ADGRV1: variants seen among roughly 807,000 people sequenced by gnomAD.
ADGRV1 encodes the protein adhesion G protein-coupled receptor V1, also known as G-protein coupled receptor 98.
In ADGRV1, 359 loss-of-function variants were observed where a neutral mutation model predicts 596.2. The ratio of observed to expected loss-of-function variants is 0.60; its 90% CI spans 0.55 to 0.66. The LOEUF is 0.66. Ranked by LOEUF, ADGRV1 falls within the 30% of genes least tolerant of loss-of-function variation. The pLI is 0.00. For missense variants in ADGRV1, 7,274 were observed against 7,575.6 expected (o/e 0.96, Z 1.48); for synonymous variants, 2,681 against 2,679.2 (o/e 1.00, Z -0.02).
chr5:90,749,995 T>C (rs1387332717), intron 52 of ADGRV1, among the ~76,000 whole-genome samples: 1 of 152,166 alleles, frequency 6.6e-6, no homozygotes, highest in Non-Finnish European at 1.5e-5. Flanking sequence ...TCCGAGGATA[T>C]GAATTTAAGA....
chr5:91,050,222 G>A (rs745530840), intron 85 of ADGRV1, among the ~76,000 whole-genome samples: 19 of 152,174 alleles, frequency 1.2e-4, no homozygotes, highest in Non-Finnish European at 2.8e-4. Flanking sequence ...ACAACAGCAT[G>A]TTAATAAGAA....
Position 91,063,100 on chromosome 5 carries a change from G to C in ADGRV1, c.18153-9347G>C, listed in dbSNP as rs189400721. On this transcript the variant is annotated intron_variant, in intron 85 of 89. Coordinates refer to ENST00000405460, the MANE Select transcript of ADGRV1 (RefSeq NM_032119.4). ...CACCCTCCGAGAAACTGGGAACACA[G>C]GCATGGTGCCACCACACCTGGCTAA... 4.6e-3 allele frequency among the ~76,000 whole-genome samples: 697 copies of C among 151,174 alleles called. 3 individuals carry two copies. Among genetic ancestry groups the C allele is most frequent in the Non-Finnish European group, 7.9e-3 (532 of 67,754 alleles).
intron 65 of ADGRV1, among the ~76,000 whole-genome samples, chr5:90,782,672 TAA>T (rs1257907250): frequency 1.3e-5 from 2 of 152,162 alleles, no homozygotes; most frequent in Non-Finnish European, 2.9e-5. Flanking sequence ...TCTGGACTTT[TAA>T]AAATTCATAT....
At chr5:90,872,502 T>C (rs987495878) in intron 83 of ADGRV1, among the ~76,000 whole-genome samples, 2 of 151,778 alleles carry the variant, frequency 1.3e-5, no homozygotes, top group East Asian at 1.9e-4. Context: ...TATTTTGAAA[T>C]ACAGAGATAC....
rs373448978 is a variant in ADGRV1 at position 91,094,195 on chromosome 5, C to G, written c.18311-8024C>G. Among the ~76,000 whole-genome samples the G allele has an allele frequency of 1.1e-4, 16 of 152,156 alleles. No individual in the cohort carries two copies. In the East Asian group the frequency reaches 2.9e-3, roughly 28 times the overall value. On this transcript the variant is annotated intron_variant, in intron 86 of 89. Coordinates refer to ENST00000405460, the MANE Select transcript of ADGRV1 (RefSeq NM_032119.4). Reference sequence around the variant, plus strand: ...TTTCTCTGGGCCGGGCACAGTGGCTCACGCCTATAAACCCAGCACTTTGGG... The same window carrying G: ...TTTCTCTGGGCCGGGCACAGTGGCTGACGCCTATAAACCCAGCACTTTGGG...
rs371542701 is a variant in ADGRV1 at position 90,720,991 on chromosome 5, G to A, written c.9680G>A (p.Arg3227Gln). Residue 3227 changes from arginine (R) to glutamine (Q), a missense_variant, in exon 45 of 90, where the codon CGA becomes CAA. Arg to Gln is a conservative substitution (Grantham distance 43, BLOSUM62 1). Transcript: ENST00000405460. ...AGGACCGTGTATTTAAATGTATCTC[G>A]AACTAATGGCATTGATTTGGCTGTG... ...ANRTVYLNVS[R>Q]TNGIDLAVSV... is the part of the protein sequence containing the mutation. 69 of 1,612,392 alleles carry A rather than the reference G, an allele frequency of 4.3e-5. No homozygotes were observed. The highest frequency in any genetic ancestry group is 5.0e-5 in the Non-Finnish European group (59 of 1,178,980).
intron 87 of ADGRV1, among the ~76,000 whole-genome samples, chr5:91,105,021 C>G (rs1049409673): frequency 4.0e-5 from 6 of 150,746 alleles, no homozygotes; most frequent in African/African-American, 1.5e-4. Context: ...CCATGCCTGG[C>G]TAATTTTGTT....
chr5:91,158,213 A>G (rs1237450488), intron 89 of ADGRV1, among the ~76,000 whole-genome samples: 2 of 152,172 alleles, frequency 1.3e-5, no homozygotes, highest in Non-Finnish European at 2.9e-5. Context: ...CAGGCCTCCA[A>G]TCTCTCCTTA....
chr5:90,717,349 A>G (rs1177199519), intron 43 of ADGRV1: 2 of 151,256 alleles, frequency 1.3e-5, no homozygotes, highest in Non-Finnish European at 2.9e-5. Flanking sequence ...TATGTAACAA[A>G]CCTGCATGTT....
chr5:90,978,267 A>C (rs939904406), intron 84 of ADGRV1, among the ~76,000 whole-genome samples: 3 of 151,654 alleles, frequency 2.0e-5, no homozygotes, highest in African/African-American at 4.9e-5. Flanking sequence ...TACACTCCAG[A>C]CTGGGGGACA....
At chr5:90,716,756 G>T in intron 43 of ADGRV1, 27 bp downstream of exon 43, 1 of 1,546,234 alleles carries the variant, frequency 6.5e-7, no homozygotes, top group South Asian at 1.2e-5. Context: ...TAATGAGAAT[G>T]GAAGTTTATC....
intron 87 of ADGRV1, among the ~76,000 whole-genome samples, chr5:91,107,358 C>T (rs2367281): frequency 0.014 from 2,109 of 152,058 alleles, 45 homozygotes; most frequent in African/African-American, 0.048. Flanking sequence ...AGATCATGGA[C>T]GAGGCAGGAA....
intron 83 of ADGRV1, among the ~76,000 whole-genome samples, chr5:90,879,863 A>G (rs578162783): frequency 6.6e-6 from 1 of 152,082 alleles, no homozygotes; most frequent in Non-Finnish European, 1.5e-5. Flanking sequence ...AGGAGAATCA[A>G]TCGCTTGAAC....
intron 11 of ADGRV1, chr5:90,640,833 C>A (rs1001083936): frequency 6.6e-6 from 1 of 152,526 alleles, no homozygotes; most frequent in Non-Finnish European, 1.5e-5. Context: ...TCTGTGTTGA[C>A]AGGGTAGAAA....
At chr5:91,013,986 G>T (rs770421077) in intron 85 of ADGRV1, among the ~76,000 whole-genome samples, 26 of 151,594 alleles carry the variant, frequency 1.7e-4, no homozygotes, top group Non-Finnish European at 3.5e-4. Context: ...GGTATGTTTT[G>T]GTCAGCTTAG....
rs1797154164 is a variant in ADGRV1 at position 91,163,819 on chromosome 5, A to G, written c.18840A>G (p.Gln6280=). The change falls in exon 90 of 90, where the codon CAA becomes CAG. Residue 6280 remains glutamine (Q), a synonymous_variant. Coordinates refer to ENST00000405460, the MANE Select transcript of ADGRV1 (RefSeq NM_032119.4). ...GLSVSDNESG[Q]GSQEGGTLTD... ...GTGTCAGTGATAATGAATCTGGTCAAGGCAGCCAGGAGGGGGGCACCTTGA... is the reference window on the plus strand; with the variant it reads ...GTGTCAGTGATAATGAATCTGGTCAGGGCAGCCAGGAGGGGGGCACCTTGA... 35 of 1,602,324 alleles carry G rather than the reference A, an allele frequency of 2.2e-5. No individual in the cohort carries two copies. The highest frequency in any genetic ancestry group is 3.0e-5 in the Non-Finnish European group (35 of 1,171,984).
intron 76 of ADGRV1, among the ~76,000 whole-genome samples, chr5:90,824,440 T>C (rs1763897114): frequency 6.6e-6 from 1 of 152,242 alleles, no homozygotes; most frequent in Non-Finnish European, 1.5e-5. Flanking sequence ...TGCAGGCAAA[T>C]GTGTTGCTGT....
chr5:90,747,731 T>G (rs916732805), intron 52 of ADGRV1, among the ~76,000 whole-genome samples: 1 of 152,162 alleles, frequency 6.6e-6, no homozygotes, highest in African/African-American at 2.4e-5. Flanking sequence ...TAAACCACAA[T>G]TATTACACAG....
chr5:91,138,379 CA>C (rs1325204555), intron 87 of ADGRV1, among the ~76,000 whole-genome samples: 1 of 152,066 alleles, frequency 6.6e-6, no homozygotes, highest in Non-Finnish European at 1.5e-5. Context: ...TCTCCTTCTG[CA>C]ATAAATACGA....
Sources: gnomAD v4.1 joint callset for allele counts (sites outside exome capture counted in the v4.1 genomes callset) on GRCh38, gnomAD v4.1.1 for gene constraint, MANE v1.5 for transcripts, NCBI Gene and HGNC (gene_info 2026-07-23, HGNC 2026-07-21) for gene names.